Variants in ENOX1 observed in about 807,000 individuals in gnomAD.
ENOX1 encodes ecto-NOX disulfide-thiol exchanger 1, also known as candidate growth-related and time keeping constitutive hydroquinone (NADH) oxidase.
A neutral mutation model predicts 82.5 loss-of-function variants in ENOX1; 42 were observed. The observed-to-expected ratio is 0.51, with a 90% confidence interval of 0.40 to 0.66. The LOEUF (loss-of-function observed/expected upper bound fraction) is 0.66, where lower values mean the gene tolerates loss of function less well. ENOX1 is among the 30% of genes least tolerant of loss of function. The probability of loss-of-function intolerance (pLI) is 0.00; values close to 1 mark genes in which losing one functional copy is unlikely to be tolerated. For synonymous variants in ENOX1, 271 were observed against 282.2 expected, an observed-to-expected ratio of 0.96 and a Z score of 0.40; for missense variants, 608 against 811.6, an observed-to-expected ratio of 0.75 and a Z score of 3.05.
chr13:43,593,065 T>G (rs1363789532), intron 2 of ENOX1, among the ~76,000 whole-genome samples: 1 of 152,224 alleles, frequency 6.6e-6, no homozygotes, highest in Non-Finnish European at 1.5e-5. Flanking sequence ...ACATGCCAAC[T>G]AATTCCAAGA....
At chr13:43,561,483 C>T (rs919029135) in intron 2 of ENOX1, among the ~76,000 whole-genome samples, 2 of 152,126 alleles carry the variant, frequency 1.3e-5, no homozygotes, top group African/African-American at 4.8e-5. Flanking sequence ...AGCTACATCA[C>T]AGGACTGCTA....
At chr13:43,244,967 C>T (rs1025726366) in intron 14 of ENOX1, among the ~76,000 whole-genome samples, 1 of 152,194 alleles carries the variant, frequency 6.6e-6, no homozygotes, top group African/African-American at 2.4e-5. Flanking sequence ...CCTTTACTCA[C>T]ATTTTGCAAA....
intron 14 of ENOX1, among the ~76,000 whole-genome samples, chr13:43,243,898 A>G (rs1331521256): frequency 6.6e-6 from 1 of 151,950 alleles, no homozygotes; most frequent in Non-Finnish European, 1.5e-5. Context: ...CTTACATTTT[A>G]CACACAGCAC....
At chr13:43,563,096 C>T (rs2153706148) in intron 2 of ENOX1, among the ~76,000 whole-genome samples, 1 of 152,200 alleles carries the variant, frequency 6.6e-6, no homozygotes, top group African/African-American at 2.4e-5. Flanking sequence ...CTCTTCTCCT[C>T]AGCACATGGA....
chr13:43,456,236 T>C (rs1404116333), intron 3 of ENOX1, among the ~76,000 whole-genome samples: 1 of 152,068 alleles, frequency 6.6e-6, no homozygotes, highest in Non-Finnish European at 1.5e-5. Flanking sequence ...TTAGCCCCTT[T>C]CTCTGTTTTG....
chr13:43,691,025 G>T (rs2086336584), intron 1 of ENOX1, among the ~76,000 whole-genome samples: 1 of 152,102 alleles, frequency 6.6e-6, no homozygotes, highest in South Asian at 2.1e-4. Flanking sequence ...GCCTTCAATT[G>T]GCAACTAGGC....
chr13:43,778,006 G>A (rs753248534), intron 1 of ENOX1, among the ~76,000 whole-genome samples: 10 of 152,134 alleles, frequency 6.6e-5, no homozygotes, highest in African/African-American at 9.7e-5. Flanking sequence ...TCGCTGATAA[G>A]CAAAGCCCAG....
chr13:43,295,649 A>G (rs1468635426), intron 12 of ENOX1, among the ~76,000 whole-genome samples: 1 of 152,128 alleles, frequency 6.6e-6, no homozygotes, highest in Non-Finnish European at 1.5e-5. Flanking sequence ...GACATATGGG[A>G]GGCTGACCCC....
intron 8 of ENOX1, among the ~76,000 whole-genome samples, chr13:43,352,647 A>T (rs1374127335): frequency 6.6e-6 from 1 of 152,202 alleles, no homozygotes; most frequent in East Asian, 1.9e-4. Context: ...TCTCGGAACA[A>T]TGTCTGTTTA....
At chr13:43,628,240 G>A (rs1158014725) in intron 2 of ENOX1, among the ~76,000 whole-genome samples, 1 of 152,082 alleles carries the variant, frequency 6.6e-6, no homozygotes, top group Non-Finnish European at 1.5e-5. Context: ...GTGAATGTTA[G>A]ATGTTTTGTT....
At chr13:43,276,467 T>C (rs2045039379) in intron 12 of ENOX1, among the ~76,000 whole-genome samples, 1 of 152,166 alleles carries the variant, frequency 6.6e-6, no homozygotes. Flanking sequence ...TGGGATCCTG[T>C]TACATCCCAC....
chr13:43,374,763 A>C lies in ENOX1; in HGVS notation c.209-13311T>G, dbSNP rs544395903. ...CTCCACCAGATTCTTCCTCCTCCAC[A>C]GATGAAAAAGGAAGTTGAGGTTTGG... On this transcript the variant is annotated intron_variant, in intron 5 of 16. Transcript: ENST00000690772. Among the ~76,000 whole-genome samples, 6 of 152,316 alleles carry C rather than the reference A, an allele frequency of 3.9e-5. 1 individual carries two copies. The South Asian group carries it at 1.2e-3, about 32-fold the overall frequency.
chr13:43,520,498 T>C (rs1324238779), intron 2 of ENOX1, among the ~76,000 whole-genome samples: 6 of 152,202 alleles, frequency 3.9e-5, no homozygotes, highest in Non-Finnish European at 8.8e-5. Flanking sequence ...AAATACCATA[T>C]GCAAGAAACT....
chr13:43,477,502 A>G (rs991460189), intron 3 of ENOX1, among the ~76,000 whole-genome samples: 2 of 152,156 alleles, frequency 1.3e-5, no homozygotes, highest in African/African-American at 4.8e-5. Context: ...AGAATATACA[A>G]GGCTGATTAT....
intron 2 of ENOX1, among the ~76,000 whole-genome samples, chr13:43,511,883 T>A (rs900377722): frequency 6.6e-6 from 1 of 152,146 alleles, no homozygotes; most frequent in East Asian, 1.9e-4. Flanking sequence ...CAGGCGATCA[T>A]GCAAATTCCC....
At chr13:43,237,598 T>G (rs1207037205) in intron 14 of ENOX1, among the ~76,000 whole-genome samples, 1 of 152,146 alleles carries the variant, frequency 6.6e-6, no homozygotes, top group African/African-American at 2.4e-5. Flanking sequence ...GCAGGGATGA[T>G]AGAGAACAGG....
At chr13:43,526,239 C>CAGT (rs1245059281) in intron 2 of ENOX1, among the ~76,000 whole-genome samples, 1 of 152,150 alleles carries the variant, frequency 6.6e-6, no homozygotes, top group Non-Finnish European at 1.5e-5. Flanking sequence ...CAGCTCACTA[C>CAGT]AGCACAATTC....
At chr13:43,578,545 T>G (rs549976831) in intron 2 of ENOX1, among the ~76,000 whole-genome samples, 71 of 152,336 alleles carry the variant, frequency 4.7e-4, no homozygotes, top group Non-Finnish European at 4.6e-4. Flanking sequence ...ATGTGTTATC[T>G]TCTCAGAAAG....
rs542021514 is a variant in ENOX1, at chr13:43,385,562, A to G, written c.209-24110T>C. Among the ~76,000 whole-genome samples the G allele has an allele frequency of 2.6e-5, 4 of 152,340 alleles. 1 individual carries two copies. Among genetic ancestry groups the G allele is most frequent in the South Asian group, 2.1e-4 (1 of 4,824 alleles). ...AGCAAACATTTAAAGAAACAATAATAGTAGTTTTGGTGAGAATTTGAGGGC... is the reference window on the plus strand; with the variant it reads ...AGCAAACATTTAAAGAAACAATAATGGTAGTTTTGGTGAGAATTTGAGGGC... On this transcript the variant is annotated intron_variant, in intron 5 of 16. Coordinates refer to ENST00000690772, the MANE Select transcript of ENOX1 (RefSeq NM_001347969.2).
Sources: allele counts gnomAD v4.1 joint callset (sites outside exome capture counted in the v4.1 genomes callset), GRCh38; gene constraint gnomAD v4.1.1; transcripts MANE v1.5; gene names NCBI Gene and HGNC (gene_info 2026-07-23, HGNC 2026-07-21).